Variants in SGMS1 observed in about 807,000 individuals in gnomAD.
SGMS1 encodes sphingomyelin synthase 1, also known as phosphatidylcholine:ceramide cholinephosphotransferase 1.
SGMS1 carries 13 observed loss-of-function variants against 46.2 expected under a neutral mutation model. The ratio of observed to expected loss-of-function variants is 0.28; its 90% confidence interval spans 0.18 to 0.45. The LOEUF (loss-of-function observed/expected upper bound fraction) is 0.45. Among genes scored for constraint, SGMS1 ranks in the 20% least tolerant of loss-of-function variants. The probability of loss-of-function intolerance (pLI) is 1.00; values close to 1 mark genes in which losing one functional copy is unlikely to be tolerated. For missense variants in SGMS1, 324 were observed against 519.9 expected, an observed-to-expected ratio of 0.62 and a Z score of 3.66; for synonymous variants, 203 against 187.8, an observed-to-expected ratio of 1.08 and a Z score of -0.66.
At position 50,609,296 on chromosome 10, in the gene SGMS1, T is replaced by G. The variant is rs1356802179; in HGVS notation, c.-684+14411A>C. Among the ~76,000 whole-genome samples the G allele has an allele frequency of 3.3e-5, 5 of 152,292 alleles. No individual in the cohort carries two copies. In the East Asian group the frequency reaches 7.7e-4, roughly 24 times the overall value. Reference sequence around the variant, plus strand: ...GTATTTTTTTTATTGCATTGTTATTTTTTGGCTTTTTCCCCAAATATTTTC... The same window carrying G: ...GTATTTTTTTTATTGCATTGTTATTGTTTGGCTTTTTCCCCAAATATTTTC... On this transcript the variant is annotated intron_variant, in intron 1 of 10. Transcript: ENST00000361781.
At chr10:50,573,396 C>A (rs1419907097) in intron 2 of SGMS1, among the ~76,000 whole-genome samples, 1 of 152,064 alleles carries the variant, frequency 6.6e-6, no homozygotes, top group African/African-American at 2.4e-5. Context: ...TGTACACCAA[C>A]AAAACAATCC....
intron 8 of SGMS1, among the ~76,000 whole-genome samples, chr10:50,316,312 A>C (rs2133286833): frequency 6.6e-6 from 1 of 152,366 alleles, no homozygotes; most frequent in African/African-American, 2.4e-5. Flanking sequence ...ATTTAAAATA[A>C]GCATTGACAA....
Position 50,307,038 on chromosome 10 carries a change from A to T in SGMS1, c.*104T>A. 8.8e-7 allele frequency: 1 copy of T among 1,141,526 alleles called. No individual in the cohort carries two copies. The highest frequency in any genetic ancestry group is 1.2e-6 in the Non-Finnish European group (1 of 813,638). 70.7% of individuals were successfully genotyped at this position (1,141,526 alleles called of 1,614,324 possible). A position where few individuals can be genotyped will look rare whatever the true frequency, so the allele number is the denominator to read the frequency against. On this transcript the variant is annotated 3_prime_UTR_variant, in exon 11 of 11. Transcript: ENST00000361781. The surrounding 1 kb of genome is among the most constrained non-coding windows in gnomAD (Gnocchi z 4.2). ...CTCAATAGGTTAAGTCAAGGTAACCATTGAAAGATAATAGGATTAGGGAGG... is the reference window on the plus strand; with the variant it reads ...CTCAATAGGTTAAGTCAAGGTAACCTTTGAAAGATAATAGGATTAGGGAGG...
At chr10:50,333,965 C>A (rs1452270208) in intron 7 of SGMS1, among the ~76,000 whole-genome samples, 1 of 152,162 alleles carries the variant, frequency 6.6e-6, no homozygotes, top group Non-Finnish European at 1.5e-5. Flanking sequence ...TCCCATTTTA[C>A]AGAAGGGGAA....
At chr10:50,579,758 G>A (rs1215891124) in intron 2 of SGMS1, among the ~76,000 whole-genome samples, 1 of 152,098 alleles carries the variant, frequency 6.6e-6, no homozygotes, top group Non-Finnish European at 1.5e-5. Flanking sequence ...TCCCAAATAC[G>A]GGAGTAAACC....
chr10:50,504,528 T>C (rs902524192), intron 3 of SGMS1, among the ~76,000 whole-genome samples: 1 of 152,158 alleles, frequency 6.6e-6, no homozygotes, highest in African/African-American at 2.4e-5. Flanking sequence ...AGTTAAGTAA[T>C]TGTGCAAGCT....
At chr10:50,560,526 CAT>C (rs953100668) in intron 2 of SGMS1, among the ~76,000 whole-genome samples, 2 of 142,792 alleles carry the variant, frequency 1.4e-5, no homozygotes, top group African/African-American at 2.6e-5. Flanking sequence ...TTATATAACA[CAT>C]ATAATACATA....
intron 3 of SGMS1, among the ~76,000 whole-genome samples, chr10:50,495,506 C>G (rs1303413789): frequency 3.9e-5 from 6 of 152,052 alleles, no homozygotes; most frequent in African/African-American, 1.4e-4. Context: ...CAAAATCTAG[C>G]TTTACACAGA....
chr10:50,376,784 A>G (rs1041672264), intron 6 of SGMS1, among the ~76,000 whole-genome samples: 2 of 152,186 alleles, frequency 1.3e-5, no homozygotes, highest in African/African-American at 2.4e-5. Context: ...GTGGCTGCAT[A>G]GTATTCCATG....
intron 7 of SGMS1, among the ~76,000 whole-genome samples, chr10:50,339,481 A>G (rs537136316): frequency 6.6e-6 from 1 of 152,232 alleles, no homozygotes; most frequent in South Asian, 2.1e-4. Flanking sequence ...TCTCTCCAAC[A>G]CTTGCAAGCC....
chr10:50,318,010 C>T (rs1744481957), intron 8 of SGMS1, among the ~76,000 whole-genome samples: 1 of 151,990 alleles, frequency 6.6e-6, no homozygotes. Flanking sequence ...CACTGTGTTG[C>T]CCAGGCTGGT....
At chr10:50,419,610 T>G (rs983997168) in intron 6 of SGMS1, among the ~76,000 whole-genome samples, 5 of 152,202 alleles carry the variant, frequency 3.3e-5, no homozygotes, top group African/African-American at 7.2e-5. Flanking sequence ...AAACATTATT[T>G]TGTAATAAAA....
intron 1 of SGMS1, among the ~76,000 whole-genome samples, chr10:50,605,393 T>A (rs1296823195): frequency 6.6e-6 from 1 of 152,154 alleles, no homozygotes; most frequent in African/African-American, 2.4e-5. Flanking sequence ...TATCTGCATA[T>A]CCAGTGAGCA....
chr10:50,421,458 G>A (rs559580326), intron 6 of SGMS1, among the ~76,000 whole-genome samples: 82 of 152,236 alleles, frequency 5.4e-4, no homozygotes, highest in Non-Finnish European at 9.9e-4. Context: ...CTGGTGGCAG[G>A]AAATAAAACT....
intron 5 of SGMS1, among the ~76,000 whole-genome samples, chr10:50,454,066 A>AAGAAAG (rs1554940646): frequency 6.7e-6 from 1 of 148,554 alleles, no homozygotes; most frequent in South Asian, 2.1e-4. Context: ...AAAAAAAAAA[A>AAGAAAG]AAAGAAAGAA....
At chr10:50,462,251 C>A (rs1278325247) in intron 4 of SGMS1, among the ~76,000 whole-genome samples, 1 of 151,918 alleles carries the variant, frequency 6.6e-6, no homozygotes, top group African/African-American at 2.4e-5. Context: ...CAGAGTGAGA[C>A]CCTGTCTCAA....
At chr10:50,546,925 T>C (rs868242077) in intron 2 of SGMS1, among the ~76,000 whole-genome samples, 28 of 152,300 alleles carry the variant, frequency 1.8e-4, no homozygotes, top group Middle Eastern at 3.4e-3. Flanking sequence ...TCCTCCCTTA[T>C]ACCTAAATAT....
upstream of SGMS1, chr10:50,624,461 C>A (rs1838895110): frequency 8.1e-6 from 4 of 495,652 alleles, no homozygotes; most frequent in African/African-American, 2.1e-5. Flanking sequence ...TTTCAAACCT[C>A]TAACCATAGA....
chr10:50,603,348 G>C (rs144349917), intron 1 of SGMS1, among the ~76,000 whole-genome samples: 7 of 152,310 alleles, frequency 4.6e-5, no homozygotes, highest in African/African-American at 1.2e-4. Context: ...GGGTAACAGA[G>C]CTAGCTTCCA....
Sources: gnomAD v4.1 joint callset for allele counts (sites outside exome capture counted in the v4.1 genomes callset) on GRCh38, gnomAD v4.1.1 for gene constraint, Gnocchi (gnomAD v3.1) non-coding constraint, MANE v1.5 for transcripts, NCBI Gene and HGNC (gene_info 2026-07-23, HGNC 2026-07-21) for gene names.